Variants in TEX261 observed in about 807,000 individuals in gnomAD.
The protein encoded by TEX261 is testis expressed 261, also known as protein TEX261.
A neutral mutation model predicts 25.1 loss-of-function variants in TEX261; 13 were observed. The observed-to-expected ratio is 0.52, with a 90% CI of 0.34 to 0.82. TEX261 has a LOEUF of 0.82. TEX261 is among the 40% of genes least tolerant of loss of function. The probability of loss-of-function intolerance (pLI) is 0.02; values close to 1 mark genes in which losing one functional copy is unlikely to be tolerated. For missense variants in TEX261, 206 were observed against 243.2 expected (o/e 0.85, Z 1.02); for synonymous variants, 92 against 97.8 (o/e 0.94, Z 0.35).
At chr2:70,990,635 C>T (rs1205040096) in intron 3 of TEX261, among the ~76,000 whole-genome samples, 1 of 152,218 alleles carries the variant, frequency 6.6e-6, no homozygotes, top group African/African-American at 2.4e-5. Flanking sequence ...TCTCATGTCT[C>T]CTTTCTTCTC....
rs2104873179 is a variant in TEX261 at position 70,991,863 on chromosome 2, T to C, written c.271A>G (p.Met91Val). Residue 91 changes from methionine (M) to valine (V), a missense_variant, in exon 3 of 6, where the codon ATG becomes GTG. Transcript: ENST00000272438. ...AGGATGAAGTTAGGCGAGGTCAGCA[T>C]GATGAAGGGGAAGGTCTGGAGGAGG... ...FGLLQTFPFIMLTSPNFILSC... is the reference protein window; with the variant it reads ...FGLLQTFPFIVLTSPNFILSC... 1 of 1,613,552 alleles carries C rather than the reference T, an allele frequency of 6.2e-7. No individual in the cohort carries two copies. The highest frequency in any genetic ancestry group is 2.2e-5 in the East Asian group (1 of 44,856).
At position 70,988,877 on chromosome 2, in the gene TEX261, C is replaced by A. The variant is rs1670246591; in HGVS notation, c.475+38G>T. Reference sequence around the variant, plus strand: ...CCCCTGCCAACCCAGGCCTTGCTGGCTTGCCCCCACCTGGGCCCCTTACAA... The same window carrying A: ...CCCCTGCCAACCCAGGCCTTGCTGGATTGCCCCCACCTGGGCCCCTTACAA... On this transcript the variant is annotated intron_variant, in intron 5 of 5. Transcript: ENST00000272438. 3 of 1,603,550 alleles carry A rather than the reference C, an allele frequency of 1.9e-6. No homozygotes were observed. In the East Asian group the frequency reaches 6.7e-5, roughly 36 times the overall value.
chr2:70,993,238 A>T (rs1553425827), intron 2 of TEX261, among the ~76,000 whole-genome samples: 1 of 152,266 alleles, frequency 6.6e-6, no homozygotes, highest in African/African-American at 2.4e-5. Flanking sequence ...GCCTCCCATG[A>T]GACCAGGGAA....
intron 4 of TEX261, chr2:70,989,457 T>C (rs1670259411): frequency 4.6e-6 from 2 of 437,928 alleles, no homozygotes; most frequent in Admixed American, 3.7e-5. Context: ...CTGTGAGGAC[T>C]GTGTCAGAGA....
At position 70,994,725 on chromosome 2, in the gene TEX261, C is replaced by G. The variant is rs1670376339; in HGVS notation, c.33G>C (p.Ser11=). The change falls in exon 1 of 6, where the codon TCG becomes TCC. Residue 11 remains serine, a synonymous_variant. Coordinates refer to ENST00000272438, the MANE Select transcript of TEX261 (RefSeq NM_144582.3). MWFMYLLSWL[S]LFIQVAFITL... ...TGATGAAGGCCACCTGGATGAAGAG[C>G]GACAGCCAGCTCAGCAGGTACATGA... 1.9e-6 allele frequency: 3 copies of G among 1,606,234 alleles called. No homozygotes were observed. The highest frequency in any genetic ancestry group is 2.7e-5 in the African/African-American group (2 of 74,480).
chr2:70,990,983 C>T (rs4852738), intron 3 of TEX261, among the ~76,000 whole-genome samples: 57,641 of 151,990 alleles, frequency 0.38, 12,898 homozygotes, highest in African/African-American at 0.62. Flanking sequence ...TAATATTCAC[C>T]CTCCAGGCTC....
At chr2:70,989,625 TCAAACA>T in intron 4 of TEX261, 118 bp downstream of exon 4, 1 of 740,946 alleles carries the variant, frequency 1.3e-6, no homozygotes, top group Admixed American at 2.3e-5. Context: ...TTTGTTTTTT[TCAAACA>T]TGTAATCCTT....
At position 70,989,780 on chromosome 2, in the gene TEX261, A is replaced by C. The variant is rs1670267043; in HGVS notation, c.341T>G (p.Phe114Cys). The C allele has an allele frequency of 6.2e-7, 1 of 1,613,542 alleles. No homozygotes were observed. Among genetic ancestry groups the C allele is most frequent in the African/African-American group, 1.3e-5 (1 of 74,900 alleles). Residue 114 changes from phenylalanine to cysteine, a missense_variant, in exon 4 of 6, where the codon TTT becomes TGT. Coordinates refer to ENST00000272438, the MANE Select transcript of TEX261 (RefSeq NM_144582.3). Reference protein sequence around the residue: ...VVVNHYLAFQFFAEEYYPFSE... With the variant: ...VVVNHYLAFQCFAEEYYPFSE... Reference sequence around the variant, plus strand: ...GAAGGGATAATATTCTTCTGCAAAAAACTGAAATGCTAGGTAATGATTCAC... The same window carrying C: ...GAAGGGATAATATTCTTCTGCAAAACACTGAAATGCTAGGTAATGATTCAC...
chr2:70,991,025 A>T (rs1013500152), intron 3 of TEX261, among the ~76,000 whole-genome samples: 1 of 151,906 alleles, frequency 6.6e-6, no homozygotes, highest in Admixed American at 6.6e-5. Flanking sequence ...ACTCTAAAAA[A>T]CCCCTAACTC....
At chr2:70,992,104 G>A in intron 2 of TEX261, 121 bp from the exon 3 acceptor site, 2 of 982,882 alleles carry the variant, frequency 2.0e-6, no homozygotes, top group South Asian at 5.5e-5. Flanking sequence ...CATTTCACAG[G>A]TCTGGCCTCC....
intron 5 of TEX261, 89 bp from the exon 6 acceptor site, chr2:70,988,804 A>T (rs1279856002): frequency 3.3e-6 from 5 of 1,514,276 alleles, no homozygotes; most frequent in Non-Finnish European, 4.6e-6. Context: ...CCCAACCCCG[A>T]GTCCAGGTGT....
At chr2:70,993,877 C>T (rs1670354790) in intron 1 of TEX261, 102 bp from the exon 2 acceptor site, 2 of 906,322 alleles carry the variant, frequency 2.2e-6, no homozygotes, top group Admixed American at 3.7e-5. Flanking sequence ...TCATGGACCC[C>T]AGAAGGTCAA....
At position 70,986,193 on chromosome 2, in the gene TEX261, CTT is replaced by C. The variant is rs2104867234; in HGVS notation, c.*2405_*2406del. ...GTTGAGATTTGACAGAGAAAGTACC[CTT>C]TCTCTGTGACCAAAAGAAAGGAGGA... On this transcript the variant is annotated 3_prime_UTR_variant, in exon 6 of 6. Transcript: ENST00000272438. 6.6e-6 allele frequency: 1 copy of C among 152,654 alleles called. No individual in the cohort carries two copies. Among genetic ancestry groups the C allele is most frequent in the Admixed American group, 6.5e-5 (1 of 15,298 alleles). 9.5% of individuals were successfully genotyped at this position (152,654 alleles called of 1,614,324 possible).
At chr2:70,989,650 TCA>T in intron 4 of TEX261, 97 bp downstream of exon 4, 1 of 858,604 alleles carries the variant, frequency 1.2e-6, no homozygotes, top group South Asian at 1.5e-5. Context: ...TTGAACAGAT[TCA>T]GTTTCAAATC....
At chr2:70,994,479 C>T (rs1670369420) in intron 1 of TEX261, 2 of 643,142 alleles carry the variant, frequency 3.1e-6, no homozygotes, top group Non-Finnish European at 5.1e-6. Flanking sequence ...CCGGAGCGGA[C>T]TCTGTGACAC....
At chr2:70,994,174 G>A (rs932297767) in intron 1 of TEX261, among the ~76,000 whole-genome samples, 8 of 152,358 alleles carry the variant, frequency 5.3e-5, no homozygotes, top group Non-Finnish European at 1.0e-4. Context: ...GGGAGAGACA[G>A]ACGAGTTTAG....
At chr2:70,991,797 A>G (rs1411576853) in intron 3 of TEX261, 33 bp downstream of exon 3, 1 of 1,607,344 alleles carries the variant, frequency 6.2e-7, no homozygotes, top group Non-Finnish European at 8.5e-7. Context: ...ACCCAACCAC[A>G]TCAGCTGCCT....
Position 70,988,578 on chromosome 2 carries a change from C to A in TEX261, c.*22G>T, listed in dbSNP as rs1553425186. The A allele has an allele frequency of 6.3e-7, 1 of 1,590,548 alleles. No individual in the cohort carries two copies. The highest frequency in any genetic ancestry group is 8.6e-7 in the Non-Finnish European group (1 of 1,158,510). On this transcript the variant is annotated 3_prime_UTR_variant, in exon 6 of 6. Transcript: ENST00000272438. ...GGCCTGACTCTCCTGATCTTGCCCCCCACATCCTGCCTGCATGGGGGTCAG... is the reference window on the plus strand; with the variant it reads ...GGCCTGACTCTCCTGATCTTGCCCCACACATCCTGCCTGCATGGGGGTCAG...
rs782764761 is a variant in TEX261 at position 70,991,944 on chromosome 2, G to A, written c.190C>T (p.Arg64Cys). ...AVLIGLYVFE[R>C]FPTSMIGVGL... Reference sequence around the variant, plus strand: ...ACTCCAATCATGCTGGTGGGGAAGCGCTCAAAGACGTAGAGGCCAATCAGT... The same window carrying A: ...ACTCCAATCATGCTGGTGGGGAAGCACTCAAAGACGTAGAGGCCAATCAGT... The change falls in exon 3 of 6, where the codon CGC (arginine) becomes TGC (cysteine). Residue 64 changes from arginine to cysteine, a missense_variant. Transcript: ENST00000272438. The A allele has an allele frequency of 5.6e-6, 9 of 1,612,570 alleles. No individual in the cohort carries two copies. Among genetic ancestry groups the A allele is most frequent in the Middle Eastern group, 1.7e-4 (1 of 6,056 alleles).
Sources: gnomAD v4.1 joint callset for allele counts (sites outside exome capture counted in the v4.1 genomes callset) on GRCh38, gnomAD v4.1.1 for gene constraint, MANE v1.5 for transcripts, NCBI Gene and HGNC (gene_info 2026-07-23, HGNC 2026-07-21) for gene names.